HSD17B2: variants seen among roughly 807,000 people sequenced by gnomAD.
The protein encoded by HSD17B2 is hydroxysteroid 17-beta dehydrogenase 2.
Under a neutral mutation model 26.9 loss-of-function variants are expected in HSD17B2, and 32 were observed. The ratio of observed to expected loss-of-function variants is 1.19; its 90% CI spans 0.90 to 1.60. The LOEUF (loss-of-function observed/expected upper bound fraction) is 1.60, where lower values mean the gene tolerates loss of function less well. HSD17B2 is among the 40% of genes most tolerant of loss of function. The probability of loss-of-function intolerance (pLI) is 0.00; values close to 1 mark genes in which losing one functional copy is unlikely to be tolerated. For missense variants in HSD17B2, 613 were observed against 468.6 expected, an observed-to-expected ratio of 1.31 and a Z score of -2.85; for synonymous variants, 246 against 186.7, an observed-to-expected ratio of 1.32 and a Z score of -2.59.
chr16:82,069,340 G>C (rs1485510288), intron 2 of HSD17B2, among the ~76,000 whole-genome samples: 1 of 152,160 alleles, frequency 6.6e-6, no homozygotes, highest in African/African-American at 2.4e-5. Context: ...TTGATTCCAT[G>C]TCTTTGCTTT....
intron 1 of HSD17B2, among the ~76,000 whole-genome samples, chr16:82,057,806 G>A (rs1914317718): frequency 6.6e-6 from 1 of 152,178 alleles, no homozygotes; most frequent in African/African-American, 2.4e-5. Context: ...CAAAATCCCT[G>A]ATGAGCACTC....
chr16:82,095,249 T>G (rs1329714048), intron 4 of HSD17B2: 3 of 152,166 alleles, frequency 2.0e-5, no homozygotes, highest in Admixed American at 6.5e-5. Flanking sequence ...CCTAGAAACC[T>G]CCAGAGTAAT....
intron 2 of HSD17B2, among the ~76,000 whole-genome samples, chr16:82,070,184 T>A (rs1914665801): frequency 6.6e-6 from 1 of 152,138 alleles, no homozygotes; most frequent in South Asian, 2.1e-4. Context: ...CTCTCCTGCA[T>A]CCCACAGCTC....
At chr16:82,081,787 G>C (rs962008727) in intron 3 of HSD17B2, among the ~76,000 whole-genome samples, 1 of 151,946 alleles carries the variant, frequency 6.6e-6, no homozygotes, top group African/African-American at 2.4e-5. Flanking sequence ...TTAAGTTCTG[G>C]GGTACATGTG....
rs1048309958 is a variant in HSD17B2 at position 82,098,466 on chromosome 16, G to A, written c.*30G>A. 2 of 1,550,376 alleles carry A rather than the reference G, an allele frequency of 1.3e-6. No individual in the cohort carries two copies. The highest frequency in any genetic ancestry group is 1.7e-6 in the Non-Finnish European group (2 of 1,153,278). On this transcript the variant is annotated 3_prime_UTR_variant, in exon 5 of 5. Transcript: ENST00000199936. ...TGGAAGCCCTCAAAGAAGTCGGAAT[G>A]TCATAGTCTTGAAATGAAAGGGAAA... is the stretch of plus-strand genomic sequence containing the variant.
chr16:82,068,553 C>T lies in HSD17B2; in HGVS notation c.478+171C>T, dbSNP rs538842452. On this transcript the variant is annotated intron_variant, in intron 2 of 4. Transcript: ENST00000199936. ...GGGCCTCTATCAACATGAAGACCTT[C>T]GGAGTAACTCAGACATGGGCCCATC... Among the ~76,000 whole-genome samples, 24 of 152,200 alleles carry T rather than the reference C, an allele frequency of 1.6e-4. No individual in the cohort carries two copies. In the East Asian group the frequency reaches 3.9e-3, roughly 25 times the overall value.
At position 82,035,331 on chromosome 16, in the gene HSD17B2, C is replaced by T; in HGVS notation, c.-94C>T. Reference sequence around the variant, plus strand: ...GCTGCTTTCTCCCCTCCCTTCTTGACTCTCTGTTCACAGAACTCAGGCTGC... The same window carrying T: ...GCTGCTTTCTCCCCTCCCTTCTTGATTCTCTGTTCACAGAACTCAGGCTGC... On this transcript the variant is annotated 5_prime_UTR_variant, in exon 1 of 5. Coordinates refer to ENST00000199936, the MANE Select transcript of HSD17B2 (RefSeq NM_002153.3). 8.1e-7 allele frequency: 1 copy of T among 1,234,006 alleles called. No individual in the cohort carries two copies. The highest frequency in any genetic ancestry group is 2.3e-5 in the East Asian group (1 of 42,650). The allele number at this position is 1,234,006 out of a possible 1,614,324, so 76.4% of individuals were successfully genotyped here. A position where few individuals can be genotyped will look rare whatever the true frequency, so the allele number is the denominator to read the frequency against.
chr16:82,069,007 C>G (rs1293995027), intron 2 of HSD17B2, among the ~76,000 whole-genome samples: 1 of 152,154 alleles, frequency 6.6e-6, no homozygotes, highest in Non-Finnish European at 1.5e-5. Context: ...CTGCACAGAT[C>G]CAGCCATCCT....
At chr16:82,097,284 G>A (rs1025765393) in intron 4 of HSD17B2, 1,314 of 117,904 alleles carry the variant, frequency 0.011, 11 homozygotes, top group Non-Finnish European at 0.015. Flanking sequence ...GTGTATGTGT[G>A]TGTGTGTGTA....
chr16:82,095,961 T>G (rs1397928656), intron 4 of HSD17B2: 1 of 152,204 alleles, frequency 6.6e-6, no homozygotes, highest in Non-Finnish European at 1.5e-5. Context: ...GGAGATTAAT[T>G]TTAAAAATAT....
chr16:82,088,397 G>A (rs915360026), intron 3 of HSD17B2, among the ~76,000 whole-genome samples: 1 of 152,098 alleles, frequency 6.6e-6, no homozygotes, highest in Non-Finnish European at 1.5e-5. Context: ...ATGATGCATG[G>A]ACCATCATTA....
At chr16:82,036,071 G>C (rs1913616113) in intron 1 of HSD17B2, among the ~76,000 whole-genome samples, 2 of 152,096 alleles carry the variant, frequency 1.3e-5, no homozygotes, top group African/African-American at 2.4e-5. Context: ...TCTCCACCTG[G>C]ACTCTTCTTC....
chr16:82,075,806 G>A (rs139916809), intron 3 of HSD17B2, among the ~76,000 whole-genome samples: 151 of 150,950 alleles, frequency 1.0e-3, no homozygotes, highest in Admixed American at 2.6e-3. Context: ...AACTAATACC[G>A]ATTGTACTCG....
intron 3 of HSD17B2, among the ~76,000 whole-genome samples, chr16:82,082,182 C>T (rs1233432556): frequency 2.0e-5 from 3 of 152,144 alleles, no homozygotes; most frequent in Non-Finnish European, 2.9e-5. Flanking sequence ...GTTCCCTGTG[C>T]CCACTGGCCA....
At chr16:82,082,257 G>C (rs768819727) in intron 3 of HSD17B2, among the ~76,000 whole-genome samples, 3 of 151,984 alleles carry the variant, frequency 2.0e-5, no homozygotes, top group East Asian at 1.9e-4. Flanking sequence ...CCTTCTATCT[G>C]CTTGTCCAGC....
chr16:82,069,986 G>A (rs952306261), intron 2 of HSD17B2, among the ~76,000 whole-genome samples: 5 of 152,062 alleles, frequency 3.3e-5, no homozygotes, highest in Non-Finnish European at 5.9e-5. Flanking sequence ...TAATGTTAGC[G>A]CAGGGCCAAG....
rs1181004456 is a variant in HSD17B2 at position 82,076,755 on chromosome 16, T to G, written c.664+5628T>G. On this transcript the variant is annotated intron_variant, in intron 3 of 4. Coordinates refer to ENST00000199936, the MANE Select transcript of HSD17B2 (RefSeq NM_002153.3). The stretch of plus-strand genomic sequence containing the variant: ...ATGCCCAGCTATTTTTTTGTGTGTG[T>G]TTTTAGTAGAGACAGGGTTTCATAA... 3.9e-5 allele frequency among the ~76,000 whole-genome samples: 6 copies of G among 152,286 alleles called. No individual in the cohort carries two copies. In the East Asian group the frequency reaches 1.2e-3, roughly 29 times the overall value.
At chr16:82,087,771 G>A (rs1904569453) in intron 3 of HSD17B2, among the ~76,000 whole-genome samples, 1 of 152,132 alleles carries the variant, frequency 6.6e-6, no homozygotes, top group African/African-American at 2.4e-5. Context: ...CAAAGGGGTG[G>A]CATCTTGTGA....
At chr16:82,089,005 T>G (rs1454357262) in intron 3 of HSD17B2, among the ~76,000 whole-genome samples, 1 of 152,056 alleles carries the variant, frequency 6.6e-6, no homozygotes, top group African/African-American at 2.4e-5. Flanking sequence ...CACTAATCCC[T>G]CTCATCATGA....
Sources: gnomAD v4.1 joint callset for allele counts (sites outside exome capture counted in the v4.1 genomes callset) on GRCh38, gnomAD v4.1.1 for gene constraint, MANE v1.5 for transcripts, NCBI Gene and HGNC (gene_info 2026-07-23, HGNC 2026-07-21) for gene names.